The following FAP variants were observed in gnomAD, a reference collection of about 807,000 sequenced individuals.
FAP encodes the protein fibroblast activation protein alpha.
A neutral mutation model predicts 126.5 loss-of-function variants in FAP; 110 were observed. That is an observed-to-expected ratio of 0.87 (90% confidence interval 0.74 to 1.02). The LOEUF is 1.02. Ranked by LOEUF, FAP falls within the 50% of genes least tolerant of loss-of-function variation. The pLI is 0.00. For missense variants in FAP, 919 were observed against 909.2 expected (o/e 1.01, Z -0.14); for synonymous variants, 334 against 297.3 (o/e 1.12, Z -1.27).
At chr2:162,201,879 C>G (rs1013833575) in intron 14 of FAP, among the ~76,000 whole-genome samples, 2 of 152,180 alleles carry the variant, frequency 1.3e-5, no homozygotes, top group African/African-American at 4.8e-5. Context: ...TTTTCCCCAC[C>G]TCCTCAACAC....
At chr2:162,173,403 G>C (rs941159705) in intron 23 of FAP, among the ~76,000 whole-genome samples, 182 bp from the exon 24 acceptor site, 11 of 151,886 alleles carry the variant, frequency 7.2e-5, no homozygotes, top group African/African-American at 2.2e-4. Context: ...CTGATTCTTA[G>C]TTTGAAAAAC....
intron 20 of FAP, among the ~76,000 whole-genome samples, chr2:162,184,905 T>A (rs766291367): frequency 6.6e-6 from 1 of 152,128 alleles, no homozygotes; most frequent in African/African-American, 2.4e-5. Context: ...TAACAGGTGA[T>A]ACATGGGAAC....
Position 162,202,954 on chromosome 2 carries a change from C to A in FAP, c.1153-12G>T, listed in dbSNP as rs749528176. 9 of 1,611,562 alleles carry A rather than the reference C, an allele frequency of 5.6e-6. No homozygotes were observed. The highest frequency in any genetic ancestry group is 3.3e-4 in the Middle Eastern group (2 of 6,058). Reference sequence around the variant, plus strand: ...TGAATAGCATTTTCCTATAAAAAGACAAACATTATGTTGTGTGAAACTGAG... The same window carrying A: ...TGAATAGCATTTTCCTATAAAAAGAAAAACATTATGTTGTGTGAAACTGAG... On this transcript the variant is annotated splice_polypyrimidine_tract_variant and intron_variant, in intron 13 of 25. Transcript: ENST00000188790.
chr2:162,196,861 T>G (rs1688274021), intron 16 of FAP, among the ~76,000 whole-genome samples: 1 of 152,196 alleles, frequency 6.6e-6, no homozygotes, highest in Non-Finnish European at 1.5e-5. Context: ...AGTATATTTT[T>G]TGCTAAATGG....
rs767622958 is a variant in FAP, at chr2:162,198,279, C to T, written c.1402+478G>A. Reference sequence around the variant, plus strand: ...CCTCCGACGTGGGCATCTCGGGTTTCCAAGCCGTTGTTCATTCCCCTGGAT... The same window carrying T: ...CCTCCGACGTGGGCATCTCGGGTTTTCAAGCCGTTGTTCATTCCCCTGGAT... On this transcript the variant is annotated intron_variant, in intron 16 of 25. Coordinates refer to ENST00000188790, the MANE Select transcript of FAP (RefSeq NM_004460.5). The T allele has an allele frequency of 3.9e-6, 5 of 1,290,004 alleles. No individual in the cohort carries two copies. The South Asian group carries it at 6.2e-5, about 16-fold the overall frequency. 79.9% of individuals were successfully genotyped at this position (1,290,004 alleles called of 1,614,324 possible).
intron 2 of FAP, among the ~76,000 whole-genome samples, chr2:162,236,667 A>G (rs937411689): frequency 7.2e-5 from 11 of 152,052 alleles, no homozygotes; most frequent in African/African-American, 1.4e-4. Flanking sequence ...CTGGAGTGCA[A>G]TGGCACAATC....
chr2:162,175,274 A>ATT (rs1220521502), intron 21 of FAP: 1 of 169,464 alleles, frequency 5.9e-6, no homozygotes, highest in Non-Finnish European at 1.3e-5. Flanking sequence ...AAAAATTCTC[A>ATT]TTTTTTTCTC....
intron 10 of FAP, among the ~76,000 whole-genome samples, chr2:162,214,383 G>C (rs1689086963): frequency 2.0e-5 from 3 of 151,568 alleles, no homozygotes; most frequent in African/African-American, 7.3e-5. Flanking sequence ...AATCTAGAGG[G>C]GAAAAAAAGC....
At position 162,170,881 on chromosome 2, in the gene FAP, A is replaced by G. The variant is rs2106207961; in HGVS notation, c.*98T>C. 1 of 864,510 alleles carries G rather than the reference A, an allele frequency of 1.2e-6. No individual in the cohort carries two copies. Among genetic ancestry groups the G allele is most frequent in the Non-Finnish European group, 1.9e-6 (1 of 535,522 alleles). The allele number at this position is 864,510 out of a possible 1,614,324, so 53.6% of individuals were successfully genotyped here. ...GAACAACATTAATTTGTTTGTTTAT[A>G]CTAGCATTTTACAACATAAAAAATA... On this transcript the variant is annotated 3_prime_UTR_variant, in exon 26 of 26. Coordinates refer to ENST00000188790, the MANE Select transcript of FAP (RefSeq NM_004460.5).
chr2:162,172,694 A>G (rs1160736125), intron 25 of FAP, 117 bp downstream of exon 25: 4 of 693,294 alleles, frequency 5.8e-6, no homozygotes, highest in Non-Finnish European at 1.0e-5. Flanking sequence ...TGCCTACTCT[A>G]TCCTGCAGCC....
chr2:162,215,512 G>A (rs1427365042), intron 10 of FAP, among the ~76,000 whole-genome samples: 1 of 152,180 alleles, frequency 6.6e-6, no homozygotes, highest in Non-Finnish European at 1.5e-5. Context: ...AATTTTTGGA[G>A]AGGGTCAGCT....
intron 15 of FAP, among the ~76,000 whole-genome samples, chr2:162,199,923 A>G (rs1274698428): frequency 6.6e-6 from 1 of 152,244 alleles, no homozygotes; most frequent in Non-Finnish European, 1.5e-5. Context: ...GCAAGGGCTC[A>G]GAGATCAGCA....
intron 21 of FAP, among the ~76,000 whole-genome samples, chr2:162,179,758 A>AGATC (rs1290806021): frequency 1.5e-4 from 21 of 143,980 alleles, no homozygotes; most frequent in African/African-American, 5.6e-4. Flanking sequence ...AAGGAAGCAC[A>AGATC]GATCTATCTA....
In FAP at chr2:162,224,559, T is replaced by C. The variant is rs1315340571; in HGVS notation, c.286-19A>G. Reference sequence around the variant, plus strand: ...CACTTTTCTGAAATTATGAAGAGGTTGATTAGAATACAGAAAAGATAACAA... The same window carrying C: ...CACTTTTCTGAAATTATGAAGAGGTCGATTAGAATACAGAAAAGATAACAA... On this transcript the variant is annotated intron_variant, in intron 4 of 25. Coordinates refer to ENST00000188790, the MANE Select transcript of FAP (RefSeq NM_004460.5). 2 of 1,481,370 alleles carry C rather than the reference T, an allele frequency of 1.4e-6. No homozygotes were observed. Among genetic ancestry groups the C allele is most frequent in the African/African-American group, 1.4e-5 (1 of 71,064 alleles). The allele number at this position is 1,481,370 out of a possible 1,614,324, so 91.8% of individuals were successfully genotyped here. A position where few individuals can be genotyped will look rare whatever the true frequency, so the allele number is the denominator to read the frequency against.
rs536390895 is a variant in FAP, at chr2:162,233,065, C to G, written c.92-6444G>C. Among the ~76,000 whole-genome samples the G allele has an allele frequency of 1.3e-4, 20 of 152,234 alleles. No individual in the cohort carries two copies. The East Asian group carries it at 2.7e-3, about 21-fold the overall frequency. ...TCCCTGGGCTGACCCACCCCCTCAC[C>G]CCACTACCACACCTGACTTTCACTG... is the stretch of plus-strand genomic sequence containing the variant. On this transcript the variant is annotated intron_variant, in intron 2 of 25. Transcript: ENST00000188790.
At chr2:162,191,880 G>C (rs1041623771) in intron 17 of FAP, among the ~76,000 whole-genome samples, 5 of 151,992 alleles carry the variant, frequency 3.3e-5, no homozygotes, top group African/African-American at 1.2e-4. Flanking sequence ...CTCTTTGCAG[G>C]GAAAATGAAG....
intron 21 of FAP, among the ~76,000 whole-genome samples, chr2:162,181,640 C>T (rs1301316130): frequency 6.6e-6 from 1 of 152,178 alleles, no homozygotes; most frequent in African/African-American, 2.4e-5. Context: ...CCACTCTTGT[C>T]CCCCTGTACT....
At chr2:162,187,393 T>A (rs1687899014) in intron 20 of FAP, among the ~76,000 whole-genome samples, 1 of 152,076 alleles carries the variant, frequency 6.6e-6, no homozygotes, top group African/African-American at 2.4e-5. Context: ...TGCTACCTTT[T>A]AAATTTACGA....
At chr2:162,222,591 C>T (rs1402748381) in intron 6 of FAP, among the ~76,000 whole-genome samples, 3 of 151,952 alleles carry the variant, frequency 2.0e-5, no homozygotes, top group East Asian at 3.8e-4. Flanking sequence ...ATTATTTCCC[C>T]TTTTATATAA....
Sources: allele counts gnomAD v4.1 joint callset (sites outside exome capture counted in the v4.1 genomes callset), GRCh38; gene constraint gnomAD v4.1.1; transcripts MANE v1.5; gene names NCBI Gene and HGNC (gene_info 2026-07-23, HGNC 2026-07-21).